The following KATNIP variants were observed in gnomAD, a reference collection of about 807,000 sequenced individuals.
KATNIP encodes the protein katanin interacting protein.
A neutral mutation model predicts 174.0 loss-of-function variants in KATNIP; 126 were observed. The observed-to-expected ratio is 0.72, with a 90% CI of 0.63 to 0.84. KATNIP has a LOEUF of 0.84. KATNIP is among the 40% of genes least tolerant of loss of function. The probability of loss-of-function intolerance (pLI) is 0.00; values close to 1 mark genes in which losing one functional copy is unlikely to be tolerated. For missense variants in KATNIP, 1,958 were observed against 2,109.7 expected (o/e 0.93, Z 1.41); for synonymous variants, 810 against 835.7 (o/e 0.97, Z 0.53).
chr16:27,730,516 G>C (rs144629973), intron 14 of KATNIP, among the ~76,000 whole-genome samples: 44 of 152,114 alleles, frequency 2.9e-4, no homozygotes, highest in African/African-American at 5.5e-4. Context: ...TGGCTCTTTC[G>C]TGCTTATACA....
chr16:27,638,339 C>T (rs576709825), intron 5 of KATNIP, among the ~76,000 whole-genome samples: 20 of 152,272 alleles, frequency 1.3e-4, no homozygotes, highest in African/African-American at 4.1e-4. Flanking sequence ...CCATTATTAC[C>T]GTCATGAGGA....
chr16:27,635,175 T>C (rs2076597881), intron 5 of KATNIP, among the ~76,000 whole-genome samples: 1 of 152,198 alleles, frequency 6.6e-6, no homozygotes, highest in African/African-American at 2.4e-5. Flanking sequence ...CAGAAATCTA[T>C]AAGGAATAAT....
intron 1 of KATNIP, among the ~76,000 whole-genome samples, chr16:27,572,124 C>A (rs578119157): frequency 7.9e-5 from 12 of 152,132 alleles, no homozygotes; most frequent in African/African-American, 2.9e-4. Context: ...ACTATCAACA[C>A]CCCACACTGG....
chr16:27,701,949 C>T (rs1361386023), intron 11 of KATNIP, among the ~76,000 whole-genome samples: 1 of 152,138 alleles, frequency 6.6e-6, no homozygotes, highest in Non-Finnish European at 1.5e-5. Flanking sequence ...TGTGCCACCG[C>T]ACCCAGCTAA....
intron 7 of KATNIP, among the ~76,000 whole-genome samples, chr16:27,680,883 C>CA (rs1188322977): frequency 1.3e-4 from 20 of 152,290 alleles, no homozygotes; most frequent in Middle Eastern, 3.4e-3. Context: ...TTGGTAAAGA[C>CA]AGAGTTTCAC....
At chr16:27,775,156 C>T (rs1364665893) in intron 24 of KATNIP, 72 bp downstream of exon 24, 2 of 1,520,642 alleles carry the variant, frequency 1.3e-6, no homozygotes, top group Non-Finnish European at 1.8e-6. Context: ...TCCCTGGTCT[C>T]AGTGACACGT....
rs1460412413 is a variant in KATNIP at position 27,715,104 on chromosome 16, A to G, written c.1605+6184A>G. ...TGGCATAGGATAGACATATAGATCA[A>G]TGAAATAGAATTGAGCATCCATAAG... On this transcript the variant is annotated intron_variant, in intron 13 of 27. Coordinates refer to ENST00000261588, the MANE Select transcript of KATNIP (RefSeq NM_015202.5). Among the ~76,000 whole-genome samples the G allele has an allele frequency of 2.6e-5, 4 of 152,398 alleles. No homozygotes were observed. The East Asian group carries it at 7.7e-4, about 29-fold the overall frequency.
intron 12 of KATNIP, among the ~76,000 whole-genome samples, chr16:27,706,648 C>T (rs747451396): frequency 5.1e-4 from 77 of 152,194 alleles, no homozygotes; most frequent in Non-Finnish European, 1.0e-3. Flanking sequence ...TTAACAGATC[C>T]TTCAGCTTTT....
At chr16:27,646,973 T>C (rs1417026874) in intron 5 of KATNIP, among the ~76,000 whole-genome samples, 2 of 152,122 alleles carry the variant, frequency 1.3e-5, no homozygotes, top group Non-Finnish European at 2.9e-5. Flanking sequence ...CCCCTGCCCT[T>C]TGAGGAAACA....
At chr16:27,727,259 G>A in intron 14 of KATNIP, 1 of 213,838 alleles carries the variant, frequency 4.7e-6, no homozygotes, top group Non-Finnish European at 1.0e-5. Context: ...CGTGATCATG[G>A]CTCACTGTAG....
At chr16:27,728,591 C>T (rs1486795314) in intron 14 of KATNIP, among the ~76,000 whole-genome samples, 1 of 152,158 alleles carries the variant, frequency 6.6e-6, no homozygotes, top group African/African-American at 2.4e-5. Context: ...CCACCATGCC[C>T]AGCTAATTTT....
At chr16:27,706,993 G>C (rs993851626) in intron 12 of KATNIP, among the ~76,000 whole-genome samples, 2 of 152,194 alleles carry the variant, frequency 1.3e-5, no homozygotes, top group African/African-American at 4.8e-5. Flanking sequence ...AGGAAGCTGT[G>C]GGTTTCGAGG....
At chr16:27,658,709 CAGAT>C (rs2077373494) in intron 6 of KATNIP, among the ~76,000 whole-genome samples, 1 of 152,082 alleles carries the variant, frequency 6.6e-6, no homozygotes, top group African/African-American at 2.4e-5. Flanking sequence ...AGTACAGAAG[CAGAT>C]AGCCCCTAAA....
At position 27,721,680 on chromosome 16, in the gene KATNIP, C is replaced by T; in HGVS notation, c.1728C>T (p.Tyr576=). Residue 576 remains tyrosine, a synonymous_variant, in exon 14 of 28, where the codon TAC becomes TAT. Coordinates refer to ENST00000261588, the MANE Select transcript of KATNIP (RefSeq NM_015202.5). ...FHLAKIKVRN[Y]WTADGDLDIG... ...TGGCCAAGATCAAGGTTCGGAATTA[C>T]TGGACAGCTGATGGCGTAAGTAACA... 1 of 1,614,078 alleles carries T rather than the reference C, an allele frequency of 6.2e-7. No individual in the cohort carries two copies. Among genetic ancestry groups the T allele is most frequent in the Non-Finnish European group, 8.5e-7 (1 of 1,180,016 alleles).
intron 2 of KATNIP, among the ~76,000 whole-genome samples, chr16:27,609,754 T>G (rs2142005283): frequency 6.7e-6 from 1 of 148,264 alleles, no homozygotes; most frequent in African/African-American, 2.5e-5. Flanking sequence ...TACAGTGGCA[T>G]GATCTCAGCT....
Position 27,777,596 on chromosome 16 carries a change from C to G in KATNIP, c.4552-14C>G, listed in dbSNP as rs1410351425. ...ACGAGGGGGACCCATGAGTCCTGCC[C>G]CGTGTCCCTGCAGCTCCTGGTGGAC... On this transcript the variant is annotated splice_polypyrimidine_tract_variant and intron_variant, in intron 25 of 27. Transcript: ENST00000261588. This position sits in a 1 kb window ranked among gnomAD's most constrained non-coding sequence, Gnocchi z 4.4. The G allele has an allele frequency of 1.9e-6, 3 of 1,599,720 alleles. No homozygotes were observed. In the East Asian group the frequency reaches 6.7e-5, roughly 36 times the overall value.
intron 5 of KATNIP, among the ~76,000 whole-genome samples, chr16:27,643,590 CAAAAAAAAAAAAAAA>C (rs562253355): frequency 9.9e-5 from 4 of 40,484 alleles, no homozygotes; most frequent in Non-Finnish European, 1.2e-4. Flanking sequence ...GACTCTGTCT[CAAAAAAAAAAAAAAA>C]AAAAAAAAAA....
Position 27,749,763 on chromosome 16 carries a change from C to A in KATNIP, c.2803C>A (p.His935Asn). 1 of 1,610,644 alleles carries A rather than the reference C, an allele frequency of 6.2e-7. No individual in the cohort carries two copies. Among genetic ancestry groups the A allele is most frequent in the Non-Finnish European group, 8.5e-7 (1 of 1,178,152 alleles). ...DELLQQKSSR[H>N]SDLPPSKKGE... Reference sequence around the variant, plus strand: ...GCTCCTGCAGCAAAAGAGCAGCCGGCACAGCGACTTGCCCCCCTCCAAGAA... The same window carrying A: ...GCTCCTGCAGCAAAAGAGCAGCCGGAACAGCGACTTGCCCCCCTCCAAGAA... Residue 935 changes from histidine to asparagine, a missense_variant, in exon 16 of 28, where the codon CAC (histidine) becomes AAC (asparagine). By Grantham distance (68) the His-to-Asn change is moderately conservative. Coordinates refer to ENST00000261588, the MANE Select transcript of KATNIP (RefSeq NM_015202.5).
chr16:27,641,696 A>G (rs2076804258), intron 5 of KATNIP, among the ~76,000 whole-genome samples: 1 of 152,244 alleles, frequency 6.6e-6, no homozygotes, highest in South Asian at 2.1e-4. Context: ...GCGTGCGTGT[A>G]AATGACCTGG....
Sources: allele counts gnomAD v4.1 joint callset (sites outside exome capture counted in the v4.1 genomes callset), GRCh38; gene constraint gnomAD v4.1.1; non-coding constraint Gnocchi (gnomAD v3.1); transcripts MANE v1.5; gene names NCBI Gene and HGNC (gene_info 2026-07-23, HGNC 2026-07-21).